The following CLCN6 variants were observed in gnomAD, a reference collection of about 807,000 sequenced individuals.
CLCN6 encodes the protein H(+)/Cl(-) exchange transporter 6.
Under a neutral mutation model 109.8 loss-of-function variants are expected in CLCN6, and 70 were observed. The ratio of observed to expected loss-of-function variants is 0.64; its 90% CI spans 0.53 to 0.78. CLCN6 has a LOEUF of 0.78. Among genes scored for constraint, CLCN6 ranks in the 30% least tolerant of loss-of-function variants. The pLI is 0.00. For missense variants in CLCN6, 984 were observed against 1,142.3 expected (o/e 0.86, Z 2.00); for synonymous variants, 444 against 447.8 (o/e 0.99, Z 0.11).
intron 4 of CLCN6, among the ~76,000 whole-genome samples, chr1:11,817,705 T>C (rs1345303137): frequency 6.6e-6 from 1 of 152,184 alleles, no homozygotes; most frequent in Non-Finnish European, 1.5e-5. Context: ...TGACCACCTT[T>C]ATCTTGAACT....
chr1:11,838,029 C>G (rs1429908605), intron 20 of CLCN6, among the ~76,000 whole-genome samples: 3 of 152,204 alleles, frequency 2.0e-5, no homozygotes, highest in African/African-American at 7.2e-5. Context: ...GGGACACATT[C>G]ACCCCCCAGC....
chr1:11,829,154 C>A (rs1244872741), intron 12 of CLCN6, 42 bp from the exon 13 acceptor site: 6 of 1,601,794 alleles, frequency 3.7e-6, no homozygotes, highest in Non-Finnish European at 5.1e-6. Flanking sequence ...GAGACCAGAG[C>A]TTCTTTCTGT....
At chr1:11,810,548 C>T in intron 2 of CLCN6, among the ~76,000 whole-genome samples, 1 of 152,204 alleles carries the variant, frequency 6.6e-6, no homozygotes, top group East Asian at 1.9e-4. Context: ...TCCCTCCCGG[C>T]CAGGTGCCAT....
Position 11,827,053 on chromosome 1 carries a change from T to A in CLCN6, c.708-36T>A, listed in dbSNP as rs1644820154. On this transcript the variant is annotated intron_variant, in intron 9 of 22. Coordinates refer to ENST00000346436, the MANE Select transcript of CLCN6 (RefSeq NM_001286.5). ...AAACCACCTTTTGGGGGCTGGGGGC[T>A]CTTTATTGGATAACCCGTCTCTCTC... 3 of 1,606,474 alleles carry A rather than the reference T, an allele frequency of 1.9e-6. No individual in the cohort carries two copies. The African/African-American group carries it at 4.0e-5, about 22-fold the overall frequency.
In CLCN6 at chr1:11,834,620, T is replaced by C. The variant is rs1644922463; in HGVS notation, c.1793+30T>C. 1.3e-6 allele frequency: 2 copies of C among 1,563,762 alleles called. No individual in the cohort carries two copies. The highest frequency in any genetic ancestry group is 1.8e-6 in the Non-Finnish European group (2 of 1,134,944). On this transcript the variant is annotated intron_variant, in intron 17 of 22. Transcript: ENST00000346436. The surrounding 1 kb of genome is among the most constrained non-coding windows in gnomAD (Gnocchi z 4.5). ...GGCCATGATTTTGCTCATGTCCTAG[T>C]TTCAGAATGTATAAGCTCTGAGGCC... is the stretch of plus-strand genomic sequence containing the variant.
chr1:11,822,287 C>T (rs1478733912), intron 5 of CLCN6, among the ~76,000 whole-genome samples: 2 of 152,120 alleles, frequency 1.3e-5, no homozygotes, highest in African/African-American at 4.8e-5. Context: ...GAGATGAGGC[C>T]TCACACTGTT....
At chr1:11,839,162 A>G (rs1644988729) in intron 22 of CLCN6, 2 of 573,080 alleles carry the variant, frequency 3.5e-6, no homozygotes, top group South Asian at 2.3e-5. Context: ...ACAAAAACAC[A>G]TATGAGCAAA....
At chr1:11,819,331 T>C (rs753613226) in intron 4 of CLCN6, among the ~76,000 whole-genome samples, 157 bp from the exon 5 acceptor site, 5 of 151,448 alleles carry the variant, frequency 3.3e-5, no homozygotes, top group African/African-American at 7.4e-5. Context: ...ATCTCCTCCT[T>C]CTGCGCTTTT....
At chr1:11,824,934 C>G (rs1644793201) in intron 8 of CLCN6, among the ~76,000 whole-genome samples, 1 of 152,210 alleles carries the variant, frequency 6.6e-6, no homozygotes, top group Non-Finnish European at 1.5e-5. Context: ...CGTGCTGATT[C>G]TAGTTGGCGT....
chr1:11,819,567 C>A lies in CLCN6; in HGVS notation c.346+13C>A. 6.2e-7 allele frequency: 1 copy of A among 1,613,096 alleles called. No individual in the cohort carries two copies. The highest frequency in any genetic ancestry group is 8.5e-7 in the Non-Finnish European group (1 of 1,179,114). On this transcript the variant is annotated intron_variant, in intron 5 of 22. Coordinates refer to ENST00000346436, the MANE Select transcript of CLCN6 (RefSeq NM_001286.5). ...GTGGTACAGACATGTATCCTTTTCACGGTTCCTGGTGTTCGTGGACTTCAG... is the reference window on the plus strand; with the variant it reads ...GTGGTACAGACATGTATCCTTTTCAAGGTTCCTGGTGTTCGTGGACTTCAG...
rs1645004571 is a variant in CLCN6, at chr1:11,840,355, CA to C, written c.*133del. The C allele has an allele frequency of 1.2e-6, 1 of 803,108 alleles. No individual in the cohort carries two copies. The highest frequency in any genetic ancestry group is 2.1e-6 in the Non-Finnish European group (1 of 472,018). 49.7% of individuals were successfully genotyped at this position (803,108 alleles called of 1,614,324 possible). A position where few individuals can be genotyped will look rare whatever the true frequency, so the allele number is the denominator to read the frequency against. ...CCCACTCACTCAGAAAGCCGGGAGT[CA>C]TCGGACACCTTGCTGGTCAGAGGTC... On this transcript the variant is annotated 3_prime_UTR_variant, in exon 23 of 23. Coordinates refer to ENST00000346436, the MANE Select transcript of CLCN6 (RefSeq NM_001286.5).
At chr1:11,826,033 T>C in intron 8 of CLCN6, 123 bp from the exon 9 acceptor site, 1 of 680,580 alleles carries the variant, frequency 1.5e-6, no homozygotes, top group East Asian at 2.7e-5. Context: ...TGGATTCCCA[T>C]AGTTTCAGTC....
intron 2 of CLCN6, among the ~76,000 whole-genome samples, chr1:11,807,792 C>A (rs1184993696): frequency 6.6e-6 from 1 of 152,156 alleles, no homozygotes; most frequent in Non-Finnish European, 1.5e-5. Context: ...ACTGTTAACA[C>A]CTTACTAAGT....
chr1:11,826,936 C>G (rs548225848), intron 9 of CLCN6, among the ~76,000 whole-genome samples, 153 bp from the exon 10 acceptor site: 1 of 150,970 alleles, frequency 6.6e-6, no homozygotes, highest in East Asian at 2.0e-4. Flanking sequence ...GACACACTCG[C>G]GGCAAAGGCT....
chr1:11,816,808 C>T (rs941272305), intron 4 of CLCN6, 128 bp downstream of exon 4: 17 of 570,992 alleles, frequency 3.0e-5, no homozygotes, highest in Non-Finnish European at 4.7e-5. Context: ...TGCAATAACA[C>T]TTGTCATTAT....
chr1:11,813,804 A>G (rs999635419), intron 2 of CLCN6, among the ~76,000 whole-genome samples: 1 of 152,196 alleles, frequency 6.6e-6, no homozygotes, highest in Non-Finnish European at 1.5e-5. Context: ...CCCATTATGA[A>G]TGCTGACGTA....
intron 13 of CLCN6, among the ~76,000 whole-genome samples, chr1:11,831,901 C>G (rs1644888708): frequency 6.6e-6 from 1 of 152,196 alleles, no homozygotes; most frequent in African/African-American, 2.4e-5. Flanking sequence ...TCTCGAACTT[C>G]TGGCCTAAAA....
At chr1:11,808,454 A>G (rs55814225) in intron 2 of CLCN6, among the ~76,000 whole-genome samples, 14,972 of 152,138 alleles carry the variant, frequency 0.098, 792 homozygotes, top group South Asian at 0.16. Flanking sequence ...CCATAATTCT[A>G]TATGCATCTC....
rs375370063 is a variant in CLCN6 at position 11,823,733 on chromosome 1, C to G, written c.480C>G (p.Pro160=). The G allele has an allele frequency of 1.2e-6, 2 of 1,614,234 alleles. No homozygotes were observed. Among genetic ancestry groups the G allele is most frequent in the Non-Finnish European group, 1.7e-6 (2 of 1,180,034 alleles). Residue 160 remains proline (P), a synonymous_variant, in exon 7 of 23, where the codon CCC becomes CCG. Transcript: ENST00000346436. ...IEPVAAGSGI[P]EVKCYLNGVK... is the part of the protein sequence containing the mutation. ...CGGTGGCAGCAGGTTCCGGGATACC[C>G]GAGGTCAAATGCTATCTGAATGGCG...
Sources: allele counts gnomAD v4.1 joint callset (sites outside exome capture counted in the v4.1 genomes callset), GRCh38; gene constraint gnomAD v4.1.1; non-coding constraint Gnocchi (gnomAD v3.1); transcripts MANE v1.5; gene names NCBI Gene and HGNC (gene_info 2026-07-23, HGNC 2026-07-21).